UBN1: variants seen among roughly 807,000 people sequenced by gnomAD.
UBN1 encodes ubinuclein-1.
In UBN1, 17 loss-of-function variants were observed where a neutral mutation model predicts 108.5. The ratio of observed to expected loss-of-function variants is 0.16; its 90% confidence interval spans 0.11 to 0.24. The LOEUF (loss-of-function observed/expected upper bound fraction) is 0.24. UBN1 is among the 10% of genes least tolerant of loss of function. The probability of loss-of-function intolerance (pLI) is 1.00; values close to 1 mark genes in which losing one functional copy is unlikely to be tolerated. For synonymous variants in UBN1, 726 were observed against 564.2 expected (o/e 1.29, Z -4.07); for missense variants, 1,595 against 1,394.4 (o/e 1.14, Z -2.29).
intron 6 of UBN1, 115 bp from the exon 7 acceptor site, chr16:4,860,549 G>GTA: frequency 1.2e-4 from 132 of 1,062,446 alleles, no homozygotes; most frequent in South Asian, 3.6e-4. Flanking sequence ...ATGACAGGGT[G>GTA]GACTGTGACA....
Position 4,877,719 on chromosome 16 carries a change from G to T in UBN1, c.3355+245G>T, listed in dbSNP as rs2087952204. ...CTCAGCCTGTGTGATCACAGGGAAA[G>T]TTGCGGGGGGCAGGGTGGTGCGCTT... is the stretch of plus-strand genomic sequence containing the variant. On this transcript the variant is annotated intron_variant, in intron 17 of 17. Transcript: ENST00000262376. The surrounding 1 kb of genome is among the most constrained non-coding windows in gnomAD (Gnocchi z 4.3). 8.2e-7 allele frequency: 1 copy of T among 1,213,096 alleles called. No individual in the cohort carries two copies. The allele number at this position is 1,213,096 out of a possible 1,614,324, so 75.1% of individuals were successfully genotyped here.
At chr16:4,858,704 C>G in intron 4 of UBN1, 41 bp downstream of exon 4, 1 of 1,588,746 alleles carries the variant, frequency 6.3e-7, no homozygotes, top group Non-Finnish European at 8.6e-7. Context: ...CCCACTGTAC[C>G]TGTAGCTCCT....
In UBN1 at chr16:4,877,546, G is replaced by A. The variant is rs559391126; in HGVS notation, c.3355+72G>A. On this transcript the variant is annotated intron_variant, in intron 17 of 17. Coordinates refer to ENST00000262376, the MANE Select transcript of UBN1 (RefSeq NM_001079514.3). The surrounding 1 kb of genome is among the most constrained non-coding windows in gnomAD (Gnocchi z 4.3). ...CCTCTCCACCCCTAGGTGCTTTGCC[G>A]CTGCCAAGGGTCTTGGTGTCTTTGC... 17 of 1,496,496 alleles carry A rather than the reference G, an allele frequency of 1.1e-5. No homozygotes were observed. The highest frequency in any genetic ancestry group is 6.7e-5 in the Admixed American group (3 of 44,458). 92.7% of individuals were successfully genotyped at this position (1,496,496 alleles called of 1,614,324 possible).
At chr16:4,856,728 C>T (rs1170588419) in intron 2 of UBN1, among the ~76,000 whole-genome samples, 1 of 152,150 alleles carries the variant, frequency 6.6e-6, no homozygotes. Context: ...CAGTGCTGCT[C>T]AAGGTTGGTG....
chr16:4,871,338 C>G (rs1364148015), intron 12 of UBN1, 37 bp downstream of exon 12: 3 of 1,603,082 alleles, frequency 1.9e-6, no homozygotes, highest in East Asian at 4.5e-5. Flanking sequence ...TCTGTGCAGT[C>G]AAGACACGTT....
At chr16:4,853,753 C>G (rs1180299242) in intron 2 of UBN1, among the ~76,000 whole-genome samples, 4 of 151,870 alleles carry the variant, frequency 2.6e-5, no homozygotes, top group Non-Finnish European at 5.9e-5. Context: ...GTAGAGATGG[C>G]GTTTCACTGT....
At chr16:4,871,350 G>A (rs1405655764) in intron 12 of UBN1, 49 bp downstream of exon 12, 4 of 1,584,848 alleles carry the variant, frequency 2.5e-6, no homozygotes, top group African/African-American at 2.7e-5. Context: ...AGACACGTTT[G>A]AACGCTGCTT....
rs1442600710 is a variant in UBN1 at position 4,882,244 on chromosome 16, C to G, written c.*2112C>G. ...GAGCACTTACCGGGCGTGACCGTTT[C>G]TTAGGTGTGAGAGGGGCTGTGGCTT... On this transcript the variant is annotated 3_prime_UTR_variant, in exon 18 of 18. Transcript: ENST00000262376. 8.5e-5 allele frequency: 13 copies of G among 152,586 alleles called. No homozygotes were observed. The allele number at this position is 152,586 out of a possible 1,614,324, so 9.5% of individuals were successfully genotyped here.
At position 4,859,868 on chromosome 16, in the gene UBN1, C is replaced by T; in HGVS notation, c.571C>T (p.Arg191Trp). 1.2e-6 allele frequency: 2 copies of T among 1,613,702 alleles called. No individual in the cohort carries two copies. Among genetic ancestry groups the T allele is most frequent in the Non-Finnish European group, 1.7e-6 (2 of 1,179,922 alleles). The change falls in exon 6 of 18, where the codon CGG becomes TGG. Residue 191 changes from arginine to tryptophan, a missense_variant. Transcript: ENST00000262376. Reference sequence around the variant, plus strand: ...GTGCCTTGTCTTTAATTCTCAGAAGCGGAAGTTGAAGGAAGGTGGTGAGAA... The same window carrying T: ...GTGCCTTGTCTTTAATTCTCAGAAGTGGAAGTTGAAGGAAGGTGGTGAGAA... The part of the protein sequence containing the change: ...KEKKKKSPKK[R>W]KLKEGGEKIK...
rs1030414811 is a variant in UBN1, at chr16:4,850,480, G to C, written c.-40+2270G>C. 2.0e-5 allele frequency among the ~76,000 whole-genome samples: 3 copies of C among 152,208 alleles called. No individual in the cohort carries two copies. In the East Asian group the frequency reaches 5.8e-4, roughly 29 times the overall value. ...TAGTGAGACTGTTCCGGTTCTATCAGTGGGGGAATCTGTAAGCCTTCAGCT... is the reference window on the plus strand; with the variant it reads ...TAGTGAGACTGTTCCGGTTCTATCACTGGGGGAATCTGTAAGCCTTCAGCT... On this transcript the variant is annotated intron_variant, in intron 1 of 17. Transcript: ENST00000262376.
At chr16:4,868,926 T>A in intron 8 of UBN1, 23 bp downstream of exon 8, 3 of 1,612,530 alleles carry the variant, frequency 1.9e-6, no homozygotes, top group Non-Finnish European at 2.5e-6. Flanking sequence ...TGTCTGTCTG[T>A]CTGTCTGTCT....
In UBN1 at chr16:4,880,263, G is replaced by T; in HGVS notation, c.*131G>T. ...TGGAGGAGCGTGAGTTCTCAGCGGA[G>T]CGCTTCTCGGCACTTCTGATGTGCC... On this transcript the variant is annotated 3_prime_UTR_variant, in exon 18 of 18. Transcript: ENST00000262376. 1.9e-6 allele frequency: 2 copies of T among 1,067,368 alleles called. No homozygotes were observed. Among genetic ancestry groups the T allele is most frequent in the Middle Eastern group, 5.7e-4 (2 of 3,518 alleles). 66.1% of individuals were successfully genotyped at this position (1,067,368 alleles called of 1,614,324 possible).
At position 4,871,871 on chromosome 16, in the gene UBN1, C is replaced by T. The variant is rs149827773; in HGVS notation, c.1706+570C>T. On this transcript the variant is annotated intron_variant, in intron 12 of 17. Coordinates refer to ENST00000262376, the MANE Select transcript of UBN1 (RefSeq NM_001079514.3). ...TAAGTGCTGGGATTACAGGCGTGAG[C>T]CACCACACCCGGCCACACTTCCTGT... Among the ~76,000 whole-genome samples the T allele has an allele frequency of 9.2e-5, 14 of 152,286 alleles. No individual in the cohort carries two copies. In the East Asian group the frequency reaches 2.5e-3, roughly 27 times the overall value.
At chr16:4,859,541 C>A (rs530733566) in intron 5 of UBN1, among the ~76,000 whole-genome samples, 1 of 152,316 alleles carries the variant, frequency 6.6e-6, no homozygotes, top group South Asian at 2.1e-4. Context: ...ACCAGTCAGC[C>A]TTAGGATCAG....
In UBN1 at chr16:4,870,250, G is replaced by C; in HGVS notation, c.1220G>C (p.Arg407Pro). 1 of 1,614,250 alleles carries C rather than the reference G, an allele frequency of 6.2e-7. No individual in the cohort carries two copies. Among genetic ancestry groups the C allele is most frequent in the South Asian group, 1.1e-5 (1 of 91,090 alleles). ...AQTRELSSQVRSGVYAYLASF... is the reference protein window; with the variant it reads ...AQTRELSSQVPSGVYAYLASF... ...ACTCGGGAGCTGAGCAGTCAGGTCCGCTCTGGGGTGTATGCCTATCTTGCG... is the reference window on the plus strand; with the variant it reads ...ACTCGGGAGCTGAGCAGTCAGGTCCCCTCTGGGGTGTATGCCTATCTTGCG... The change falls in exon 9 of 18, where the codon CGC becomes CCC. Residue 407 changes from arginine to proline, a missense_variant. Transcript: ENST00000262376.
At chr16:4,850,468 C>G (rs570329876) in intron 1 of UBN1, among the ~76,000 whole-genome samples, 5 of 152,158 alleles carry the variant, frequency 3.3e-5, no homozygotes, top group African/African-American at 7.2e-5. Context: ...TGAGACTGTT[C>G]CGGTTCTATC....
chr16:4,855,966 G>A (rs546831813), intron 2 of UBN1, among the ~76,000 whole-genome samples: 1 of 152,300 alleles, frequency 6.6e-6, no homozygotes, highest in African/African-American at 2.4e-5. Context: ...CCTTGATTGA[G>A]ATCTGATTGC....
At chr16:4,870,752 C>T in intron 10 of UBN1, 92 bp from the exon 11 acceptor site, 1 of 1,590,470 alleles carries the variant, frequency 6.3e-7, no homozygotes. Context: ...GGCCTTTTCT[C>T]CTTCTCTGTG....
rs1043155173 is a variant in UBN1, at chr16:4,877,854, A to G, written c.3355+380A>G. On this transcript the variant is annotated intron_variant, in intron 17 of 17. Coordinates refer to ENST00000262376, the MANE Select transcript of UBN1 (RefSeq NM_001079514.3). The surrounding 1 kb of genome is among the most constrained non-coding windows in gnomAD (Gnocchi z 4.3). ...CATCTTCTCCAAGGGCTAATTGGGT[A>G]CAACAAGGTCTTGGAATGCAAGCTG... 4.6e-5 allele frequency: 46 copies of G among 999,982 alleles called. No individual in the cohort carries two copies. In the Middle Eastern group the frequency reaches 2.0e-3, roughly 43 times the overall value. 61.9% of individuals were successfully genotyped at this position (999,982 alleles called of 1,614,324 possible). A position where few individuals can be genotyped will look rare whatever the true frequency, so the allele number is the denominator to read the frequency against.
Sources: gnomAD v4.1 joint callset for allele counts (sites outside exome capture counted in the v4.1 genomes callset) on GRCh38, gnomAD v4.1.1 for gene constraint, Gnocchi (gnomAD v3.1) non-coding constraint, MANE v1.5 for transcripts, NCBI Gene and HGNC (gene_info 2026-07-23, HGNC 2026-07-21) for gene names.